Variants in RASA2 observed in about 807,000 individuals in gnomAD.
RASA2 encodes RAS p21 protein activator 2.
Under a neutral mutation model 118.2 loss-of-function variants are expected in RASA2, and 155 were observed. The ratio of observed to expected loss-of-function variants is 1.31; its 90% CI spans 1.15 to 1.50. RASA2 has a LOEUF of 1.50. RASA2 is among the 40% of genes most tolerant of loss of function. RASA2 has a pLI of 0.00. For synonymous variants in RASA2, 353 were observed against 349.1 expected, an observed-to-expected ratio of 1.01 and a Z score of -0.12; for missense variants, 1,016 against 1,009.6, an observed-to-expected ratio of 1.01 and a Z score of -0.09.
rs139493731 is a variant in RASA2 at position 141,492,686 on chromosome 3, G to A, written c.133+5470G>A. 1.4e-3 allele frequency among the ~76,000 whole-genome samples: 214 copies of A among 152,268 alleles called. 7 individuals are homozygous for A. The East Asian group carries it at 0.024, about 17-fold the overall frequency. Reference sequence around the variant, plus strand: ...TTTTAACTTGAACCATTTGCTTTAAGGCAGTACATCAGATGCTTTATTTTA... The same window carrying A: ...TTTTAACTTGAACCATTTGCTTTAAAGCAGTACATCAGATGCTTTATTTTA... On this transcript the variant is annotated intron_variant, in intron 1 of 23. Coordinates refer to ENST00000286364, the MANE Select transcript of RASA2 (RefSeq NM_006506.5).
At chr3:141,611,690 T>C (rs1489425406) in intron 23 of RASA2, among the ~76,000 whole-genome samples, 1 of 152,214 alleles carries the variant, frequency 6.6e-6, no homozygotes, top group Non-Finnish European at 1.5e-5. Flanking sequence ...GAAAAATATG[T>C]GAATTAATAA....
intron 9 of RASA2, among the ~76,000 whole-genome samples, chr3:141,562,002 G>T (rs35098372): frequency 3.3e-5 from 5 of 152,010 alleles, no homozygotes; most frequent in Admixed American, 3.3e-4. Flanking sequence ...GTCCAAGCTG[G>T]AGTGCAGTGG....
chr3:141,568,454 G>C (rs893206094), intron 9 of RASA2, among the ~76,000 whole-genome samples: 1 of 151,838 alleles, frequency 6.6e-6, no homozygotes, highest in Non-Finnish European at 1.5e-5. Flanking sequence ...GAGAAGCGGA[G>C]GTGCAGAATG....
intron 1 of RASA2, among the ~76,000 whole-genome samples, chr3:141,506,702 C>T (rs1302019612): frequency 7.0e-6 from 1 of 142,608 alleles, no homozygotes; most frequent in Non-Finnish European, 1.6e-5. Flanking sequence ...CTCTTGAACC[C>T]AGGAGTTCAA....
intron 1 of RASA2, among the ~76,000 whole-genome samples, chr3:141,490,351 A>C (rs935040697): frequency 3.9e-5 from 6 of 151,930 alleles, no homozygotes; most frequent in Middle Eastern, 3.4e-3. Context: ...AAAAAAAAAA[A>C]AAAAAACCGT....
chr3:141,571,352 A>C (rs1356084410), intron 10 of RASA2, 54 bp from the exon 11 acceptor site: 2 of 1,567,572 alleles, frequency 1.3e-6, no homozygotes, highest in Non-Finnish European at 1.7e-6. Flanking sequence ...GTGATTGAAC[A>C]GTTAATCATG....
chr3:141,547,028 A>G (rs1175690394), intron 5 of RASA2, among the ~76,000 whole-genome samples: 5 of 152,056 alleles, frequency 3.3e-5, no homozygotes, highest in African/African-American at 9.7e-5. Flanking sequence ...ATTTGTTTCT[A>G]GGTTCTCTGT....
intron 4 of RASA2, among the ~76,000 whole-genome samples, chr3:141,535,820 T>C (rs1356017067): frequency 1.3e-5 from 2 of 152,080 alleles, no homozygotes; most frequent in African/African-American, 4.8e-5. Context: ...TCATGAGGGA[T>C]CTACCCCCAT....
rs764191787 is a variant in RASA2 at position 141,571,390 on chromosome 3, A to C, written c.1021-16A>C. The stretch of plus-strand genomic sequence containing the variant: ...TCCTTGATGTTTGTGCTTGTTTTCT[A>C]CCTTTCTGTATTTAGCCAATATCTG... On this transcript the variant is annotated splice_polypyrimidine_tract_variant and intron_variant, in intron 10 of 23. Transcript: ENST00000286364. The C allele has an allele frequency of 1.2e-6, 2 of 1,606,002 alleles. No homozygotes were observed. The highest frequency in any genetic ancestry group is 1.7e-6 in the Non-Finnish European group (2 of 1,176,944).
intron 19 of RASA2, among the ~76,000 whole-genome samples, chr3:141,606,072 C>T (rs915617569): frequency 6.6e-6 from 1 of 152,190 alleles, no homozygotes; most frequent in African/African-American, 2.4e-5. Flanking sequence ...AGCTGTTCCA[C>T]ATGCAACTCA....
intron 9 of RASA2, among the ~76,000 whole-genome samples, chr3:141,566,101 A>G (rs960744209): frequency 2.0e-5 from 3 of 152,242 alleles, no homozygotes; most frequent in African/African-American, 7.2e-5. Context: ...ATAAATATAT[A>G]AATTAAGTAT....
At position 141,609,547 on chromosome 3, in the gene RASA2, A is replaced by G. The variant is rs769072820; in HGVS notation, c.2329+24A>G. 6.1e-6 allele frequency: 9 copies of G among 1,485,878 alleles called. No individual in the cohort carries two copies. The East Asian group carries it at 6.8e-5, about 11-fold the overall frequency. 92.0% of individuals were successfully genotyped at this position (1,485,878 alleles called of 1,614,324 possible). ...AGGTAAATACACAATCTATTTTTATATAACCATAATCTTTCATTACCAATT... is the reference window on the plus strand; with the variant it reads ...AGGTAAATACACAATCTATTTTTATGTAACCATAATCTTTCATTACCAATT... On this transcript the variant is annotated intron_variant, in intron 22 of 23. Transcript: ENST00000286364.
At chr3:141,538,577 G>T (rs2082362320) in intron 4 of RASA2, among the ~76,000 whole-genome samples, 1 of 152,042 alleles carries the variant, frequency 6.6e-6, no homozygotes, top group Admixed American at 6.5e-5. Context: ...GTATTTCCTT[G>T]TTAAAGTATA....
At chr3:141,550,836 G>C (rs771076950) in intron 5 of RASA2, among the ~76,000 whole-genome samples, 1 of 152,148 alleles carries the variant, frequency 6.6e-6, no homozygotes. Flanking sequence ...CAGCCTGGGC[G>C]ACAGAGTGAG....
At chr3:141,503,079 C>T (rs1380046065) in intron 1 of RASA2, among the ~76,000 whole-genome samples, 3 of 152,084 alleles carry the variant, frequency 2.0e-5, no homozygotes, top group Non-Finnish European at 2.9e-5. Flanking sequence ...ACAGGGTTGT[C>T]GTACCGATCA....
rs1159141814 is a variant in RASA2, at chr3:141,607,689, A to G, written c.1945A>G (p.Ile649Val). The change falls in exon 20 of 24, where the codon ATC becomes GTC. Residue 649 changes from isoleucine (I) to valine (V), a missense_variant. By Grantham distance (29) the Ile-to-Val change is conservative (BLOSUM62 3). Around this residue, in one of 2 missense-constraint regions of RASA2, gnomAD observed 896 missense variants for 836.4 expected, o/e 1.07. Coordinates refer to ENST00000286364, the MANE Select transcript of RASA2 (RefSeq NM_006506.5). ...TTTTTATTATTTAGGCAAAGATGCA[A>G]TCTACACAATCCCAGTAAAAAACAT... ...TYHKQPGKDA[I>V]YTIPVKNILA... The G allele has an allele frequency of 1.1e-5, 17 of 1,585,192 alleles. No individual in the cohort carries two copies. The highest frequency in any genetic ancestry group is 1.5e-5 in the Non-Finnish European group (17 of 1,170,250).
At chr3:141,531,792 CAT>C (rs2082264575) in intron 4 of RASA2, among the ~76,000 whole-genome samples, 1 of 151,924 alleles carries the variant, frequency 6.6e-6, no homozygotes. Context: ...GTGGAAGAGA[CAT>C]ATAACACTTT....
At chr3:141,540,499 GA>G (rs758491824) in intron 4 of RASA2, 33 bp from the exon 5 acceptor site, 10 of 1,527,926 alleles carry the variant, frequency 6.5e-6, no homozygotes, top group African/African-American at 1.4e-5. Context: ...CAGTAAAATA[GA>G]CTACTCAGTT....
rs576171132 is a variant in RASA2 at position 141,520,566 on chromosome 3, T to C, written c.355+4135T>C. Among the ~76,000 whole-genome samples the C allele has an allele frequency of 2.1e-3, 325 of 152,146 alleles. 4 individuals carry two copies. Among genetic ancestry groups the C allele is most frequent in the African/African-American group, 7.4e-3 (308 of 41,532 alleles). On this transcript the variant is annotated intron_variant, in intron 3 of 23. Transcript: ENST00000286364. ...GAGTGTGTGTGTGTGTGTGTTATAA[T>C]ATACATGCATTTGTACTGCTAGAAA...
Sources: gnomAD v4.1 joint callset for allele counts (sites outside exome capture counted in the v4.1 genomes callset) on GRCh38, gnomAD v4.1.1 for gene constraint, gnomAD v4.1.1 regional missense constraint, MANE v1.5 for transcripts, NCBI Gene and HGNC (gene_info 2026-07-23, HGNC 2026-07-21) for gene names.